Variants in TBC1D5 observed in about 807,000 individuals in gnomAD.
TBC1D5 encodes TBC1 domain family member 5.
In TBC1D5, 75 loss-of-function variants were observed where a neutral mutation model predicts 100.3. The observed-to-expected ratio is 0.75, with a 90% CI of 0.62 to 0.91. The LOEUF (loss-of-function observed/expected upper bound fraction) is 0.91. Ranked by LOEUF, TBC1D5 falls within the 40% of genes least tolerant of loss-of-function variation. The probability of loss-of-function intolerance (pLI) is 0.00; values close to 1 mark genes in which losing one functional copy is unlikely to be tolerated. For synonymous variants in TBC1D5, 323 were observed against 325.6 expected (o/e 0.99, Z 0.09); for missense variants, 910 against 942.4 (o/e 0.97, Z 0.45).
chr3:17,720,279 T>C (rs890797299), intron 1 of TBC1D5, among the ~76,000 whole-genome samples: 3 of 152,190 alleles, frequency 2.0e-5, no homozygotes, highest in Non-Finnish European at 2.9e-5. Flanking sequence ...ATGTAACACA[T>C]TTGTGTAGCC....
At chr3:17,245,176 G>C (rs560973112) in intron 16 of TBC1D5, among the ~76,000 whole-genome samples, 1 of 152,140 alleles carries the variant, frequency 6.6e-6, no homozygotes, top group Non-Finnish European at 1.5e-5. Context: ...CTAGGCAACA[G>C]AGCAAGACCT....
At chr3:17,617,341 G>A (rs1417842275) in intron 2 of TBC1D5, among the ~76,000 whole-genome samples, 1 of 152,170 alleles carries the variant, frequency 6.6e-6, no homozygotes, top group Non-Finnish European at 1.5e-5. Flanking sequence ...CAACCTTGGT[G>A]AATCTGACAA....
intron 9 of TBC1D5, among the ~76,000 whole-genome samples, chr3:17,381,741 C>T (rs2092953640): frequency 1.3e-5 from 2 of 151,968 alleles, no homozygotes; most frequent in Admixed American, 1.3e-4. Flanking sequence ...GTCTACCTTG[C>T]TTGCGAGGGC....
At chr3:17,565,545 G>T (rs891613821) in intron 2 of TBC1D5, among the ~76,000 whole-genome samples, 3 of 152,136 alleles carry the variant, frequency 2.0e-5, no homozygotes, top group South Asian at 4.1e-4. Context: ...CAACTGCAAA[G>T]AAAACCTCAT....
intron 1 of TBC1D5, among the ~76,000 whole-genome samples, chr3:17,640,094 A>G (rs950902839): frequency 6.6e-6 from 1 of 152,084 alleles, no homozygotes; most frequent in African/African-American, 2.4e-5. Context: ...GAGAAATATA[A>G]TACAGAGGAT....
At chr3:17,379,006 T>C (rs1383557872) in intron 9 of TBC1D5, among the ~76,000 whole-genome samples, 2 of 151,858 alleles carry the variant, frequency 1.3e-5, no homozygotes, top group Non-Finnish European at 2.9e-5. Context: ...CACTGTGAAA[T>C]ACATTGGTTT....
chr3:17,675,058 GT>G (rs1413738587), intron 1 of TBC1D5, among the ~76,000 whole-genome samples: 1 of 151,988 alleles, frequency 6.6e-6, no homozygotes, highest in Non-Finnish European at 1.5e-5. Flanking sequence ...AATTTGAATG[GT>G]TTAATGAAAA....
chr3:17,696,821 A>G (rs1250463441), intron 1 of TBC1D5, among the ~76,000 whole-genome samples: 1 of 152,222 alleles, frequency 6.6e-6, no homozygotes, highest in Non-Finnish European at 1.5e-5. Flanking sequence ...TTTTAGACCA[A>G]TATCTCTGAA....
At chr3:17,724,360 G>A (rs2075949324) in intron 1 of TBC1D5, among the ~76,000 whole-genome samples, 1 of 152,142 alleles carries the variant, frequency 6.6e-6, no homozygotes, top group Non-Finnish European at 1.5e-5. Flanking sequence ...CTCCCAAAGT[G>A]CTGGGGTTAC....
chr3:17,428,367 T>G (rs2094381492), intron 4 of TBC1D5, 83 bp downstream of exon 4: 1 of 441,768 alleles, frequency 2.3e-6, no homozygotes, highest in Non-Finnish European at 3.4e-6. Flanking sequence ...TATAATTATA[T>G]ATCTTATACA....
At chr3:17,388,065 A>G (rs2152291434) in intron 8 of TBC1D5, among the ~76,000 whole-genome samples, 1 of 152,246 alleles carries the variant, frequency 6.6e-6, no homozygotes, top group Admixed American at 6.5e-5. Flanking sequence ...ATAGAGATGA[A>G]CAGCAAAGAT....
intron 1 of TBC1D5, among the ~76,000 whole-genome samples, chr3:17,700,470 T>C (rs895525733): frequency 5.9e-5 from 9 of 152,152 alleles, no homozygotes; most frequent in African/African-American, 1.7e-4. Flanking sequence ...AAAGCCAAAA[T>C]TGACAAATGG....
At chr3:17,229,777 G>C (rs1043935164) in intron 17 of TBC1D5, among the ~76,000 whole-genome samples, 2 of 152,144 alleles carry the variant, frequency 1.3e-5, no homozygotes, top group African/African-American at 4.8e-5. Context: ...GCCCGTGCTA[G>C]ACAAAACTGT....
intron 1 of TBC1D5, among the ~76,000 whole-genome samples, chr3:17,651,226 C>CA (rs1011140597): frequency 2.0e-5 from 3 of 151,942 alleles, no homozygotes; most frequent in African/African-American, 7.3e-5. Flanking sequence ...ATTGAACACT[C>CA]AAAAAATTAA....
intron 1 of TBC1D5, among the ~76,000 whole-genome samples, chr3:17,731,438 G>A (rs574434912): frequency 8.6e-5 from 13 of 150,774 alleles, no homozygotes; most frequent in African/African-American, 2.2e-4. Flanking sequence ...CCCGGGAGGC[G>A]GAGGTTGCAG....
chr3:17,667,920 A>C (rs971038852), intron 1 of TBC1D5, among the ~76,000 whole-genome samples: 2 of 151,674 alleles, frequency 1.3e-5, no homozygotes, highest in Admixed American at 1.3e-4. Flanking sequence ...GGAATATTTA[A>C]TTTGTATTTT....
chr3:17,356,547 C>G (rs1032472365), intron 13 of TBC1D5, among the ~76,000 whole-genome samples: 2 of 152,080 alleles, frequency 1.3e-5, no homozygotes, highest in African/African-American at 4.8e-5. Flanking sequence ...AACCATTAAA[C>G]TGGAAAAAAT....
At chr3:17,331,728 G>A (rs1392909443) in intron 13 of TBC1D5, among the ~76,000 whole-genome samples, 1 of 152,136 alleles carries the variant, frequency 6.6e-6, no homozygotes, top group Non-Finnish European at 1.5e-5. Context: ...AAATAAAATA[G>A]GTAAGGGGAT....
chr3:17,239,556 TG>T (rs1398606706), intron 16 of TBC1D5, among the ~76,000 whole-genome samples: 1 of 152,212 alleles, frequency 6.6e-6, no homozygotes, highest in African/African-American at 2.4e-5. Flanking sequence ...GCTCCAGCTG[TG>T]GCCTATTTGC....
Sources: allele counts gnomAD v4.1 joint callset (sites outside exome capture counted in the v4.1 genomes callset), GRCh38; gene constraint gnomAD v4.1.1; transcripts MANE v1.5; gene names NCBI Gene and HGNC (gene_info 2026-07-23, HGNC 2026-07-21).